Variants in ADAMTS18 observed in about 807,000 individuals in gnomAD.
The protein encoded by ADAMTS18 is ADAM metallopeptidase with thrombospondin type 1 motif 18, also known as A disintegrin and metalloproteinase with thrombospondin motifs 18.
In ADAMTS18, 157 loss-of-function variants were observed where a neutral mutation model predicts 165.9. The ratio of observed to expected loss-of-function variants is 0.95; its 90% confidence interval spans 0.83 to 1.08. The LOEUF (loss-of-function observed/expected upper bound fraction) is 1.08. Ranked by LOEUF, ADAMTS18 falls within the 50% of genes least tolerant of loss-of-function variation. ADAMTS18 has a pLI of 0.00. For missense variants in ADAMTS18, 2,040 were observed against 1,534.0 expected (o/e 1.33, Z -5.51); for synonymous variants, 782 against 578.2 (o/e 1.35, Z -5.06).
chr16:77,381,748 GCC>G (rs1366673324), intron 3 of ADAMTS18, among the ~76,000 whole-genome samples: 3 of 152,194 alleles, frequency 2.0e-5, no homozygotes, highest in Non-Finnish European at 4.4e-5. Flanking sequence ...GTTGCAGTGA[GCC>G]GAGATCATGC....
intron 16 of ADAMTS18, among the ~76,000 whole-genome samples, chr16:77,301,243 A>C (rs2055576565): frequency 6.6e-6 from 1 of 151,858 alleles, no homozygotes; most frequent in Non-Finnish European, 1.5e-5. Context: ...ACATTCTTCT[A>C]ACAACTCTAT....
intron 22 of ADAMTS18, among the ~76,000 whole-genome samples, chr16:77,288,434 C>G (rs1051804796): frequency 6.6e-6 from 1 of 151,508 alleles, no homozygotes; most frequent in Admixed American, 6.6e-5. Flanking sequence ...TTCTTTAGCA[C>G]GAGGCAAGCA....
At chr16:77,312,292 A>C (rs1031955035) in intron 16 of ADAMTS18, among the ~76,000 whole-genome samples, 2 of 151,656 alleles carry the variant, frequency 1.3e-5, no homozygotes, top group African/African-American at 4.9e-5. Flanking sequence ...GCTGGAGTGC[A>C]ATGGCACGGT....
At chr16:77,322,564 A>G (rs2056022638) in intron 13 of ADAMTS18, 98 bp from the exon 14 acceptor site, 1 of 1,442,598 alleles carries the variant, frequency 6.9e-7, no homozygotes. Flanking sequence ...TTAGAAAGCT[A>G]TCATGATGAA....
intron 12 of ADAMTS18, among the ~76,000 whole-genome samples, chr16:77,331,971 G>A (rs2144663026): frequency 6.6e-6 from 1 of 152,118 alleles, no homozygotes; most frequent in East Asian, 1.9e-4. Flanking sequence ...TTTTGCTCTA[G>A]TGTCATTATT....
At chr16:77,332,473 C>A (rs149420039) in intron 12 of ADAMTS18, among the ~76,000 whole-genome samples, 1 of 152,262 alleles carries the variant, frequency 6.6e-6, no homozygotes, top group South Asian at 2.1e-4. Context: ...TCTAAAGATG[C>A]AATTTCTAAT....
chr16:77,302,530 G>T (rs1012656905), intron 16 of ADAMTS18, among the ~76,000 whole-genome samples: 1 of 152,110 alleles, frequency 6.6e-6, no homozygotes, highest in Non-Finnish European at 1.5e-5. Flanking sequence ...GTAGGGGCAA[G>T]CTTAAGTATA....
At chr16:77,322,280 C>G (rs138751112) in intron 14 of ADAMTS18, 56 bp downstream of exon 14, 1,588 of 1,602,260 alleles carry the variant, frequency 9.9e-4, no homozygotes, top group Non-Finnish European at 1.2e-3. Context: ...ACGGTACACA[C>G]GATATGATAA....
At position 77,297,294 on chromosome 16, in the gene ADAMTS18, C is replaced by A; in HGVS notation, c.2796G>T (p.Pro932=). Residue 932 remains proline (P), a synonymous_variant, in exon 18 of 23, where the codon CCG becomes CCT. Coordinates refer to ENST00000282849, the MANE Select transcript of ADAMTS18 (RefSeq NM_199355.4). ...GACACTTCCAAATGACTTACTAAGCCGGGCAGGAGAAAGCGTTGCAGATTT... is the reference window on the plus strand; with the variant it reads ...GACACTTCCAAATGACTTACTAAGCAGGGCAGGAGAAAGCGTTGCAGATTT... ...EPKICNAFSC[P]AYWMPGEWST... 1 of 1,614,106 alleles carries A rather than the reference C, an allele frequency of 6.2e-7. No individual in the cohort carries two copies. Among genetic ancestry groups the A allele is most frequent in the African/African-American group, 1.3e-5 (1 of 75,038 alleles).
intron 14 of ADAMTS18, among the ~76,000 whole-genome samples, chr16:77,321,438 A>C (rs778246265): frequency 1.3e-5 from 2 of 152,200 alleles, no homozygotes; most frequent in Non-Finnish European, 2.9e-5. Context: ...TTCATCAATG[A>C]AACTGGAATA....
chr16:77,412,639 T>C (rs1259604365), intron 3 of ADAMTS18, among the ~76,000 whole-genome samples: 2 of 152,162 alleles, frequency 1.3e-5, no homozygotes, highest in East Asian at 1.9e-4. Flanking sequence ...CTCACAATCA[T>C]GGTGGAAGGT....
At chr16:77,372,044 C>T (rs1426535287) in intron 3 of ADAMTS18, among the ~76,000 whole-genome samples, 1 of 152,132 alleles carries the variant, frequency 6.6e-6, no homozygotes, top group African/African-American at 2.4e-5. Flanking sequence ...CACTAATTTT[C>T]AGGGAAATGC....
At chr16:77,365,016 G>A (rs1015088697) in intron 4 of ADAMTS18, among the ~76,000 whole-genome samples, 1 of 152,000 alleles carries the variant, frequency 6.6e-6, no homozygotes, top group South Asian at 2.1e-4. Context: ...TGAGGCAGGC[G>A]GATCACTTGA....
At chr16:77,352,933 G>GA (rs942883561) in intron 10 of ADAMTS18, among the ~76,000 whole-genome samples, 81 of 151,936 alleles carry the variant, frequency 5.3e-4, no homozygotes, top group African/African-American at 1.5e-3. Flanking sequence ...CTTCTCTACT[G>GA]AAAAAAACAC....
rs1314023783 is a variant in ADAMTS18, at chr16:77,434,819, C to G, written c.-124G>C. On this transcript the variant is annotated 5_prime_UTR_variant, in exon 1 of 23. Transcript: ENST00000282849. Reference sequence around the variant, plus strand: ...AGGTGCGGCTCCAGGTGAGAGCCGCCGCCGTTCACATCGCAGCGGGGGCGC... The same window carrying G: ...AGGTGCGGCTCCAGGTGAGAGCCGCGGCCGTTCACATCGCAGCGGGGGCGC... The G allele has an allele frequency of 6.4e-6, 5 of 781,002 alleles. No individual in the cohort carries two copies. Among genetic ancestry groups the G allele is most frequent in the African/African-American group, 1.8e-5 (1 of 54,300 alleles). The allele number at this position is 781,002 out of a possible 1,614,324, so 48.4% of individuals were successfully genotyped here.
chr16:77,282,847 A>T lies in ADAMTS18; in HGVS notation c.*1109T>A, dbSNP rs553900968. Reference sequence around the variant, plus strand: ...TGTCATATTATGATTTATTAATATTAACATAGCAAGAAGACAGATGGATTT... The same window carrying T: ...TGTCATATTATGATTTATTAATATTTACATAGCAAGAAGACAGATGGATTT... On this transcript the variant is annotated 3_prime_UTR_variant, in exon 23 of 23. Coordinates refer to ENST00000282849, the MANE Select transcript of ADAMTS18 (RefSeq NM_199355.4). The T allele has an allele frequency of 6.6e-6, 1 of 152,190 alleles. No individual in the cohort carries two copies. Among genetic ancestry groups the T allele is most frequent in the South Asian group, 2.1e-4 (1 of 4,806 alleles). The allele number at this position is 152,190 out of a possible 1,614,324, so 9.4% of individuals were successfully genotyped here.
intron 3 of ADAMTS18, among the ~76,000 whole-genome samples, chr16:77,406,714 GC>G (rs1400339196): frequency 6.6e-6 from 1 of 151,986 alleles, no homozygotes; most frequent in Non-Finnish European, 1.5e-5. Context: ...CAACCTAAAA[GC>G]CCATCAATAG....
chr16:77,360,205 C>T (rs987417680), intron 7 of ADAMTS18, among the ~76,000 whole-genome samples: 1 of 152,160 alleles, frequency 6.6e-6, no homozygotes, highest in Non-Finnish European at 1.5e-5. Flanking sequence ...AATACAAAGG[C>T]ACAAATAAGG....
rs1328060230 is a variant in ADAMTS18 at position 77,298,956 on chromosome 16, C to A, written c.2674+1307G>T. 3.3e-5 allele frequency among the ~76,000 whole-genome samples: 5 copies of A among 152,264 alleles called. No individual in the cohort carries two copies. The South Asian group carries it at 8.3e-4, about 25-fold the overall frequency. On this transcript the variant is annotated intron_variant, in intron 17 of 22. Transcript: ENST00000282849. The stretch of plus-strand genomic sequence containing the variant: ...GCAGGGCAAGGCGAGAATTTCACAA[C>A]TGGCTTCCTCTGCATCCTCCTCTTG...
Sources: gnomAD v4.1 joint callset for allele counts (sites outside exome capture counted in the v4.1 genomes callset) on GRCh38, gnomAD v4.1.1 for gene constraint, MANE v1.5 for transcripts, NCBI Gene and HGNC (gene_info 2026-07-23, HGNC 2026-07-21) for gene names.